The following DIAPH2 variants were observed in gnomAD, a reference collection of about 807,000 sequenced individuals.
DIAPH2 encodes the protein protein diaphanous homolog 2.
A neutral mutation model predicts 92.7 loss-of-function variants in DIAPH2; 35 were observed. That is an observed-to-expected ratio of 0.38 (90% CI 0.29 to 0.50). DIAPH2 has a LOEUF of 0.50. DIAPH2 is among the 20% of genes least tolerant of loss of function. DIAPH2 has a pLI of 0.94. For missense variants in DIAPH2, 701 were observed against 819.5 expected (o/e 0.86, Z 1.77); for synonymous variants, 301 against 280.4 (o/e 1.07, Z -0.73).
At position 97,568,931 on chromosome X, in the gene DIAPH2, G is replaced by T. The variant is rs962438338; in HGVS notation, c.3242-30322G>T. ...TGGCATAAAGAATAGATGCAAAAAA[G>T]TATTGCTTTCTCTTCGAGTTCTAAA... On this transcript the variant is annotated intron_variant, in intron 26 of 26. Transcript: ENST00000324765. Among the ~76,000 whole-genome samples, 6 of 111,854 alleles carry T rather than the reference G, an allele frequency of 5.4e-5. No homozygotes were observed. In the Admixed American group the frequency reaches 5.7e-4, roughly 11 times the overall value.
At position 96,937,310 on chromosome X, in the gene DIAPH2, T is replaced by C. The variant is rs764008971; in HGVS notation, c.1167T>C (p.Thr389=). Residue 389 remains threonine (T), a synonymous_variant, in exon 11 of 27, where the codon ACT becomes ACC. Coordinates refer to ENST00000324765, the MANE Select transcript of DIAPH2 (RefSeq NM_006729.5). ...ATGAAAACAAAGAAGATGACCTAAC[T>C]GAATTATCACACCGTCTCAATGACA... ...VFDENKEDDL[T]ELSHRLNDIR... 30 of 1,157,085 alleles carry C rather than the reference T, an allele frequency of 2.6e-5. No individual in the cohort carries two copies. Among genetic ancestry groups the C allele is most frequent in the Non-Finnish European group, 3.4e-5 (29 of 858,976 alleles).
At chrX:97,515,340 A>C (rs779100955) in intron 26 of DIAPH2, among the ~76,000 whole-genome samples, 1 of 112,771 alleles carries the variant, frequency 8.9e-6, no homozygotes, top group South Asian at 3.6e-4. Flanking sequence ...GCGCTTCCTG[A>C]GTGAGGCAAT....
rs757238482 is a variant in DIAPH2 at position 97,577,993 on chromosome X, A to G, written c.3242-21260A>G. ...TTATTGTTGTTTTTGTCTTTTCTTC[A>G]CCACTTCAAATTAGGATTGAACCAG... On this transcript the variant is annotated intron_variant, in intron 26 of 26. Transcript: ENST00000324765. 4.3e-5 allele frequency among the ~76,000 whole-genome samples: 4 copies of G among 92,622 alleles called. No individual in the cohort carries two copies. The East Asian group carries it at 1.5e-3, about 34-fold the overall frequency. 80.4% of individuals were successfully genotyped at this position (92,622 alleles called of 115,157 possible).
At chrX:97,469,790 G>A in intron 26 of DIAPH2, 1 of 1,180,311 alleles carries the variant, frequency 8.5e-7, no homozygotes, top group South Asian at 2.0e-5. Flanking sequence ...GGTACAACAT[G>A]ACTTTTTAAG....
chrX:96,843,680 T>G (rs2064952159), intron 4 of DIAPH2, among the ~76,000 whole-genome samples: 1 of 111,456 alleles, frequency 9.0e-6, no homozygotes, highest in Non-Finnish European at 1.9e-5. Flanking sequence ...TTAGGAAGCC[T>G]GTTAACTACT....
At chrX:97,452,158 A>T (rs2070364478) in intron 26 of DIAPH2, among the ~76,000 whole-genome samples, 1 of 111,310 alleles carries the variant, frequency 9.0e-6, no homozygotes, top group South Asian at 3.7e-4. Context: ...AATATCTCTT[A>T]AAAAAAGAAA....
At chrX:96,916,884 G>A (rs2065508064) in intron 8 of DIAPH2, among the ~76,000 whole-genome samples, 1 of 111,063 alleles carries the variant, frequency 9.0e-6, no homozygotes, top group South Asian at 3.7e-4. Flanking sequence ...GAGTTATTTT[G>A]GCAAATACAC....
At chrX:96,951,716 A>G (rs1165483732) in intron 15 of DIAPH2, among the ~76,000 whole-genome samples, 2 of 111,804 alleles carry the variant, frequency 1.8e-5, no homozygotes, top group Non-Finnish European at 3.8e-5. Flanking sequence ...GCCTAATTTA[A>G]TTATTCAATT....
chrX:97,343,671 AAAAAC>A (rs1344602626), intron 23 of DIAPH2, among the ~76,000 whole-genome samples: 11 of 89,170 alleles, frequency 1.2e-4, no homozygotes, highest in African/African-American at 3.5e-4. Flanking sequence ...TCTGTCTCAA[AAAAAC>A]AAAACAAAAG....
At chrX:97,551,800 A>G (rs1417171489) in intron 26 of DIAPH2, among the ~76,000 whole-genome samples, 1 of 110,761 alleles carries the variant, frequency 9.0e-6, no homozygotes, top group Non-Finnish European at 1.9e-5. Flanking sequence ...TTTACATATA[A>G]CTTAATTCAT....
At chrX:96,821,785 G>A (rs907919433) in intron 4 of DIAPH2, among the ~76,000 whole-genome samples, 3 of 111,687 alleles carry the variant, frequency 2.7e-5, no homozygotes, top group Non-Finnish European at 5.6e-5. Context: ...AAGTAAGAGA[G>A]TGAATGTAAC....
intron 17 of DIAPH2, among the ~76,000 whole-genome samples, chrX:97,021,713 G>T (rs1404131277): frequency 9.0e-6 from 1 of 111,372 alleles, no homozygotes; most frequent in Non-Finnish European, 1.9e-5. Context: ...AAATGATTAG[G>T]GAAAATAAGT....
intron 1 of DIAPH2, among the ~76,000 whole-genome samples, chrX:96,707,172 GGATT>G (rs2063890236): frequency 9.2e-6 from 1 of 108,665 alleles, no homozygotes; most frequent in East Asian, 3.0e-4. Context: ...ATTGACTGAT[GGATT>G]GATTGATTTA....
chrX:97,539,279 A>G (rs1239577578), intron 26 of DIAPH2, among the ~76,000 whole-genome samples: 1 of 111,561 alleles, frequency 9.0e-6, no homozygotes, highest in East Asian at 2.8e-4. Flanking sequence ...CAGATTTTCA[A>G]TTATGATTAG....
chrX:97,334,574 C>G (rs1337323344), intron 23 of DIAPH2, among the ~76,000 whole-genome samples: 2 of 109,691 alleles, frequency 1.8e-5, no homozygotes, highest in East Asian at 2.9e-4. Flanking sequence ...TTCCATACCT[C>G]AAGATGGAAT....
chrX:96,860,323 A>G (rs2065066033), intron 4 of DIAPH2, among the ~76,000 whole-genome samples: 1 of 112,223 alleles, frequency 8.9e-6, no homozygotes, highest in African/African-American at 3.2e-5. Context: ...GTTTGGATAG[A>G]TAAATGTGCA....
At chrX:97,256,906 G>T (rs915632580) in intron 23 of DIAPH2, among the ~76,000 whole-genome samples, 1 of 109,393 alleles carries the variant, frequency 9.1e-6, no homozygotes, top group Non-Finnish European at 1.9e-5. Context: ...CTTTTGATCC[G>T]CCTGCCTCAG....
chrX:97,238,994 A>G (rs1049912846), intron 22 of DIAPH2, among the ~76,000 whole-genome samples: 1 of 111,919 alleles, frequency 8.9e-6, no homozygotes, highest in African/African-American at 3.2e-5. Flanking sequence ...GTAAATTCTT[A>G]CTTGGTCTTT....
chrX:96,957,930 G>A lies in DIAPH2; in HGVS notation c.1717G>A (p.Gly573Arg), dbSNP rs765131524. 3.0e-5 allele frequency: 36 copies of A among 1,207,187 alleles called. No homozygotes were observed. Among genetic ancestry groups the A allele is most frequent in the South Asian group, 1.1e-4 (6 of 56,484 alleles). The change falls in exon 16 of 27, where the codon GGA becomes AGA. Residue 573 changes from glycine (G) to arginine (R), a missense_variant. By Grantham distance (125) the Gly-to-Arg change is moderately radical. This residue lies in a region of DIAPH2 where 536 missense variants were observed against 599.3 expected (regional missense o/e 0.89). Transcript: ENST00000324765. ...ACCACCACCCGCGCCACCTCTACCC[G>A]GAGGAGCTCCTCTTCCTCCTCCACC... ...PPPPPAPPLP[G>R]GAPLPPPPPP...
Sources: gnomAD v4.1 joint callset for allele counts (sites outside exome capture counted in the v4.1 genomes callset) on GRCh38, gnomAD v4.1.1 for gene constraint, gnomAD v4.1.1 regional missense constraint, MANE v1.5 for transcripts, NCBI Gene and HGNC (gene_info 2026-07-23, HGNC 2026-07-21) for gene names.